The following ENTREP2 variants were observed in gnomAD, a reference collection of about 807,000 sequenced individuals.
ENTREP2 encodes endosomal transmembrane epsin interactor 2.
At chr15:29,160,246 G>A in the ENTREP2 span, among the ~76,000 whole-genome samples, 6 of 152,264 alleles carry the variant, frequency 3.9e-5, no homozygotes, top group East Asian at 3.9e-4. Context: ...CCCGGTTCCC[G>A]CCCACGCGTC....
the ENTREP2 span, among the ~76,000 whole-genome samples, chr15:29,492,335 T>C: frequency 6.6e-6 from 1 of 152,218 alleles, no homozygotes; most frequent in Non-Finnish European, 1.5e-5. Flanking sequence ...ATTATTTAGA[T>C]TGATTAATAA....
At chr15:29,231,727 C>T in the ENTREP2 span, among the ~76,000 whole-genome samples, 54 of 151,916 alleles carry the variant, frequency 3.6e-4, no homozygotes, top group Middle Eastern at 3.4e-3. Flanking sequence ...TAAAATAAAA[C>T]GCTTAATTTC....
the ENTREP2 span, among the ~76,000 whole-genome samples, chr15:29,459,760 A>G: frequency 3.9e-5 from 6 of 152,210 alleles, no homozygotes; most frequent in South Asian, 8.3e-4. Flanking sequence ...CTCACACTCT[A>G]TGTGGGGAAT....
chr15:29,201,906 A>AT, the ENTREP2 span, among the ~76,000 whole-genome samples: 1 of 152,152 alleles, frequency 6.6e-6, no homozygotes, highest in Admixed American at 6.5e-5. Context: ...GGACCTGGAG[A>AT]TTTTGTTTTT....
the ENTREP2 span, among the ~76,000 whole-genome samples, chr15:29,304,983 C>T: frequency 6.6e-6 from 1 of 152,180 alleles, no homozygotes; most frequent in African/African-American, 2.4e-5. Context: ...ATCACTCCCT[C>T]AGCCAACTGT....
At chr15:29,563,844 A>AAAAT in the ENTREP2 span, among the ~76,000 whole-genome samples, 2,628 of 150,878 alleles carry the variant, frequency 0.017, 90 homozygotes, top group African/African-American at 0.061. Flanking sequence ...CTCAAAAATA[A>AAAAT]AAATAAATAA....
the ENTREP2 span, among the ~76,000 whole-genome samples, chr15:29,176,009 A>G: frequency 1.3e-5 from 2 of 152,238 alleles, no homozygotes; most frequent in African/African-American, 4.8e-5. Flanking sequence ...TAGTTTGATT[A>G]AAGCCCAGGC....
the ENTREP2 span, among the ~76,000 whole-genome samples, chr15:29,250,071 G>A: frequency 2.0e-5 from 3 of 152,194 alleles, no homozygotes; most frequent in South Asian, 2.1e-4. Context: ...TCCAACGCTC[G>A]GGATTGCAAC....
chr15:29,434,784 G>A, the ENTREP2 span, among the ~76,000 whole-genome samples: 6 of 152,134 alleles, frequency 3.9e-5, no homozygotes, highest in East Asian at 3.9e-4. Flanking sequence ...GGAGTCTCAC[G>A]AAGCTTGAGA....
chr15:29,608,376 T>C, the ENTREP2 span, among the ~76,000 whole-genome samples: 1 of 152,000 alleles, frequency 6.6e-6, no homozygotes, highest in Non-Finnish European at 1.5e-5. Flanking sequence ...AGATGGAAAC[T>C]GCTCCTTCCT....
At chr15:29,293,108 T>C in the ENTREP2 span, among the ~76,000 whole-genome samples, 2 of 152,172 alleles carry the variant, frequency 1.3e-5, no homozygotes, top group South Asian at 4.1e-4. Flanking sequence ...ATGATGCTTT[T>C]TCTGGATTAA....
At chr15:29,489,913 A>G in the ENTREP2 span, among the ~76,000 whole-genome samples, 1 of 152,200 alleles carries the variant, frequency 6.6e-6, no homozygotes, top group African/African-American at 2.4e-5. Context: ...GTTTTGCTAC[A>G]AAGATCACCA....
the ENTREP2 span, among the ~76,000 whole-genome samples, chr15:29,125,412 G>C: frequency 4.4e-4 from 67 of 152,250 alleles, no homozygotes; most frequent in Middle Eastern, 3.4e-3. Flanking sequence ...TGCCAAACCT[G>C]GTATTTCCAC....
chr15:29,640,060 C>T, the ENTREP2 span, among the ~76,000 whole-genome samples: 11 of 152,146 alleles, frequency 7.2e-5, no homozygotes, highest in East Asian at 1.9e-4. Flanking sequence ...TGAGCCACCA[C>T]GCCCAGCCAG....
the ENTREP2 span, among the ~76,000 whole-genome samples, chr15:29,358,129 A>G: frequency 1.7e-3 from 255 of 152,302 alleles, 2 homozygotes; most frequent in Middle Eastern, 0.01. Flanking sequence ...CGGGCATTTA[A>G]ACATTCACAG....
chr15:29,380,538 A>G, the ENTREP2 span, among the ~76,000 whole-genome samples: 6 of 152,186 alleles, frequency 3.9e-5, no homozygotes, highest in African/African-American at 1.4e-4. Flanking sequence ...AGACACATAC[A>G]TATATTAATG....
chr15:29,595,213 A>G, the ENTREP2 span, among the ~76,000 whole-genome samples: 1 of 151,990 alleles, frequency 6.6e-6, no homozygotes, highest in Non-Finnish European at 1.5e-5. Flanking sequence ...AGTTCGCGCC[A>G]CTACGCTCCA....
At chr15:29,459,011 A>C in the ENTREP2 span, among the ~76,000 whole-genome samples, 1 of 152,176 alleles carries the variant, frequency 6.6e-6, no homozygotes, top group African/African-American at 2.4e-5. Flanking sequence ...GAACAGACCC[A>C]ATCTCCAGGG....
the ENTREP2 span, among the ~76,000 whole-genome samples, chr15:29,513,055 T>A: frequency 1.3e-5 from 2 of 152,248 alleles, no homozygotes; most frequent in Admixed American, 6.5e-5. Flanking sequence ...GCAGTGAGAT[T>A]TTCTCTCTAA....
Sources: allele counts gnomAD v4.1 joint callset (sites outside exome capture counted in the v4.1 genomes callset), GRCh38; gene constraint gnomAD v4.1.1; transcripts MANE v1.5; gene names NCBI Gene and HGNC (gene_info 2026-07-23, HGNC 2026-07-21).